PPP2R2B: variants seen among roughly 807,000 people sequenced by gnomAD.
PPP2R2B encodes the protein protein phosphatase 2 regulatory subunit Bbeta, also known as serine/threonine-protein phosphatase 2A 55 kDa regulatory subunit B beta isoform.
A neutral mutation model predicts 46.0 loss-of-function variants in PPP2R2B; 5 were observed. The observed-to-expected ratio is 0.11, with a 90% CI of 0.06 to 0.23. The LOEUF (loss-of-function observed/expected upper bound fraction) is 0.23, where lower values mean the gene tolerates loss of function less well. Among genes scored for constraint, PPP2R2B ranks in the 10% least tolerant of loss-of-function variants. PPP2R2B has a pLI of 1.00. For missense variants in PPP2R2B, 367 were observed against 575.0 expected, an observed-to-expected ratio of 0.64 and a Z score of 3.70; for synonymous variants, 215 against 206.7, an observed-to-expected ratio of 1.04 and a Z score of -0.34.
At chr5:146,835,443 C>T (rs1759222826) in intron 2 of PPP2R2B, among the ~76,000 whole-genome samples, 1 of 152,150 alleles carries the variant, frequency 6.6e-6, no homozygotes, top group Non-Finnish European at 1.5e-5. Context: ...GCCCCACCCT[C>T]ATGAAGCATG....
At chr5:146,639,068 C>T (rs532072705) in intron 6 of PPP2R2B, among the ~76,000 whole-genome samples, 11 of 152,316 alleles carry the variant, frequency 7.2e-5, no homozygotes, top group African/African-American at 2.4e-4. Context: ...GGGGTGGAAA[C>T]GGATGCTCCA....
In PPP2R2B at chr5:146,581,600, T is replaced by C. The variant is rs562687647; in HGVS notation, c.*8347A>G. 1 of 152,132 alleles carries C rather than the reference T, an allele frequency of 6.6e-6. No individual in the cohort carries two copies. Among genetic ancestry groups the C allele is most frequent in the Non-Finnish European group, 1.5e-5 (1 of 68,004 alleles). The allele number at this position is 152,132 out of a possible 1,614,324, so 9.4% of individuals were successfully genotyped here. A position where few individuals can be genotyped will look rare whatever the true frequency, so the allele number is the denominator to read the frequency against. On this transcript the variant is annotated 3_prime_UTR_variant, in exon 10 of 10. Coordinates refer to ENST00000394411, the MANE Select transcript of PPP2R2B (RefSeq NM_181675.4). ...GTCCTTCTTCTCGTCAGGGAGGAAA[T>C]GAGGGGTTTAAATAAATGCACCATT...
At chr5:146,739,142 C>T (rs1752718524) in intron 2 of PPP2R2B, among the ~76,000 whole-genome samples, 1 of 152,058 alleles carries the variant, frequency 6.6e-6, no homozygotes, top group African/African-American at 2.4e-5. Context: ...TCCCCCGAAC[C>T]TCTTGAGTAG....
chr5:146,882,845 G>C (rs371625026), upstream of PPP2R2B, among the ~76,000 whole-genome samples: 1 of 152,186 alleles, frequency 6.6e-6, no homozygotes, highest in Non-Finnish European at 1.5e-5. Flanking sequence ...CCTATTTCAG[G>C]CTTGTGCTTT....
At chr5:146,642,715 C>A (rs540131912) in intron 6 of PPP2R2B, among the ~76,000 whole-genome samples, 39 of 152,284 alleles carry the variant, frequency 2.6e-4, no homozygotes, top group African/African-American at 9.1e-4. Context: ...TTTCAATGAT[C>A]AGCACAATTT....
intron 5 of PPP2R2B, among the ~76,000 whole-genome samples, chr5:146,667,895 A>G (rs1459873111): frequency 6.6e-6 from 1 of 152,182 alleles, no homozygotes; most frequent in Admixed American, 6.6e-5. Flanking sequence ...GTGCTATCAG[A>G]AAGGAGAGAA....
intron 5 of PPP2R2B, among the ~76,000 whole-genome samples, chr5:146,689,849 AAC>A (rs1778732217): frequency 1.3e-5 from 2 of 152,312 alleles, no homozygotes; most frequent in South Asian, 4.1e-4. Flanking sequence ...GATCAGAGGA[AAC>A]AGAGTCGCCA....
chr5:146,985,075 C>T (rs1034141884), intron 1 of PPP2R2B, among the ~76,000 whole-genome samples: 2 of 134,642 alleles, frequency 1.5e-5, no homozygotes, highest in Non-Finnish European at 3.0e-5. Context: ...GGCTGGAGTG[C>T]AGTGGTGTGA....
chr5:146,816,133 T>C (rs914554720), intron 2 of PPP2R2B, among the ~76,000 whole-genome samples: 2 of 152,158 alleles, frequency 1.3e-5, no homozygotes, highest in African/African-American at 4.8e-5. Flanking sequence ...TTAATAATAG[T>C]GGGCTCATGC....
chr5:146,727,238 A>AT (rs1403541115), intron 2 of PPP2R2B, among the ~76,000 whole-genome samples: 5 of 151,042 alleles, frequency 3.3e-5, no homozygotes, highest in Admixed American at 3.3e-4. Context: ...TTAAACATTT[A>AT]TTTAAAAAAA....
Position 146,595,273 on chromosome 5 carries a change from A to T in PPP2R2B, c.961-2211T>A, listed in dbSNP as rs372551969. On this transcript the variant is annotated intron_variant, in intron 8 of 9. Coordinates refer to ENST00000394411, the MANE Select transcript of PPP2R2B (RefSeq NM_181675.4). ...ACAGAGGCATCTCTGCTATAAACTA[A>T]CTCATTCACCTTCACTAGGGGGCAC... 1.6e-4 allele frequency among the ~76,000 whole-genome samples: 24 copies of T among 152,160 alleles called. No individual in the cohort carries two copies. In the East Asian group the frequency reaches 4.5e-3, roughly 28 times the overall value.
At chr5:146,630,661 A>G (rs1463864532) in intron 7 of PPP2R2B, among the ~76,000 whole-genome samples, 1 of 152,232 alleles carries the variant, frequency 6.6e-6, no homozygotes, top group Non-Finnish European at 1.5e-5. Context: ...TCCTGGACAC[A>G]GTAAAATGTC....
intron 2 of PPP2R2B, among the ~76,000 whole-genome samples, chr5:146,762,277 G>A (rs539233010): frequency 3.9e-5 from 6 of 152,280 alleles, no homozygotes; most frequent in South Asian, 2.1e-4. Flanking sequence ...TATGAACAAC[G>A]TGGACTCAAT....
chr5:146,793,799 A>G (rs1030218245), intron 2 of PPP2R2B, among the ~76,000 whole-genome samples: 1 of 152,204 alleles, frequency 6.6e-6, no homozygotes, highest in Non-Finnish European at 1.5e-5. Context: ...CAGAGCCAAA[A>G]GAATTCAGTT....
intron 1 of PPP2R2B, among the ~76,000 whole-genome samples, chr5:146,975,795 A>G (rs959378293): frequency 6.6e-6 from 1 of 152,118 alleles, no homozygotes; most frequent in East Asian, 1.9e-4. Context: ...TTGGCAAAAT[A>G]TCTATTCAGG....
At chr5:146,999,013 C>CAAAAAAA (rs60753702) in intron 1 of PPP2R2B, among the ~76,000 whole-genome samples, 41 of 65,282 alleles carry the variant, frequency 6.3e-4, no homozygotes, top group Middle Eastern at 8.9e-3. Flanking sequence ...GACTCCATAT[C>CAAAAAAA]AAAAAAAAAA....
chr5:147,067,054 T>C (rs1004934310), intron 2 of PPP2R2B, among the ~76,000 whole-genome samples: 1 of 152,208 alleles, frequency 6.6e-6, no homozygotes, highest in South Asian at 2.1e-4. Flanking sequence ...AGGAGGTTTT[T>C]ATTTTTAATT....
At chr5:146,979,036 G>A (rs1240615525) in intron 1 of PPP2R2B, among the ~76,000 whole-genome samples, 1 of 152,166 alleles carries the variant, frequency 6.6e-6, no homozygotes, top group Non-Finnish European at 1.5e-5. Context: ...AAAAGCTGAT[G>A]TATTTAAGAA....
intron 2 of PPP2R2B, among the ~76,000 whole-genome samples, chr5:146,872,593 G>C (rs75232318): frequency 0.021 from 3,188 of 152,098 alleles, 34 homozygotes; most frequent in Middle Eastern, 0.051. Context: ...ATGGGGGATG[G>C]AGGAGGAATC....
Sources: gnomAD v4.1 joint callset for allele counts (sites outside exome capture counted in the v4.1 genomes callset) on GRCh38, gnomAD v4.1.1 for gene constraint, MANE v1.5 for transcripts, NCBI Gene and HGNC (gene_info 2026-07-23, HGNC 2026-07-21) for gene names.